DOCK6: variants seen among roughly 807,000 people sequenced by gnomAD.
The protein encoded by DOCK6 is dedicator of cytokinesis 6.
In DOCK6, 167 loss-of-function variants were observed where a neutral mutation model predicts 230.3. The observed-to-expected ratio is 0.73, with a 90% CI of 0.64 to 0.82. The LOEUF (loss-of-function observed/expected upper bound fraction) is 0.82. Ranked by LOEUF, DOCK6 falls within the 40% of genes least tolerant of loss-of-function variation. DOCK6 has a pLI of 0.00. For synonymous variants in DOCK6, 1,148 were observed against 1,185.0 expected, an observed-to-expected ratio of 0.97 and a Z score of 0.64; for missense variants, 2,598 against 2,825.8, an observed-to-expected ratio of 0.92 and a Z score of 1.83.
Position 11,200,208 on chromosome 19 carries a change from G to T in DOCK6, c.6101+100C>A. The T allele has an allele frequency of 1.2e-4, 143 of 1,156,448 alleles. No individual in the cohort carries two copies. The highest frequency in any genetic ancestry group is 1.5e-4 in the Non-Finnish European group (125 of 842,054). The allele number at this position is 1,156,448 out of a possible 1,614,324, so 71.6% of individuals were successfully genotyped here. On this transcript the variant is annotated intron_variant, in intron 47 of 47. Coordinates refer to ENST00000294618, the MANE Select transcript of DOCK6 (RefSeq NM_020812.4). This position sits in a 1 kb window ranked among gnomAD's most constrained non-coding sequence, Gnocchi z 4.3. The stretch of plus-strand genomic sequence containing the variant: ...CAAAGTCCAAGCTACCAGCAAACAT[G>T]TTGCTGTGTATGTGTACAACAGCCC...
chr19:11,216,793 G>T, intron 30 of DOCK6, 121 bp downstream of exon 30: 1 of 999,502 alleles, frequency 1.0e-6, no homozygotes, highest in Non-Finnish European at 1.6e-6. Flanking sequence ...TTTCCTCTCA[G>T]TCCCACAGAG....
At chr19:11,260,355 G>A (rs1361169693) in intron 1 of DOCK6, among the ~76,000 whole-genome samples, 1 of 152,088 alleles carries the variant, frequency 6.6e-6, no homozygotes, top group Admixed American at 6.6e-5. Flanking sequence ...CGAGGCAGGA[G>A]GATCACTTGA....
At chr19:11,203,095 C>T (rs2079198220) in intron 41 of DOCK6, among the ~76,000 whole-genome samples, 1 of 152,142 alleles carries the variant, frequency 6.6e-6, no homozygotes, top group East Asian at 1.9e-4. Context: ...CCCATAAATG[C>T]TTGGATGGCT....
chr19:11,228,896 C>T (rs747252539), intron 23 of DOCK6, 44 bp downstream of exon 23: 81 of 1,591,932 alleles, frequency 5.1e-5, no homozygotes, highest in Non-Finnish European at 6.6e-5. Context: ...GAAGGGGCTC[C>T]ACTGGGGGTC....
At chr19:11,255,407 C>T (rs989783016) in intron 1 of DOCK6, among the ~76,000 whole-genome samples, 6 of 151,198 alleles carry the variant, frequency 4.0e-5, no homozygotes, top group African/African-American at 9.7e-5. Context: ...CAGGCTCAAG[C>T]GATCCTCCTC....
At chr19:11,253,064 G>T in intron 2 of DOCK6, 106 bp from the exon 3 acceptor site, 1 of 1,159,864 alleles carries the variant, frequency 8.6e-7, no homozygotes, top group Non-Finnish European at 1.2e-6. Flanking sequence ...TAGGAGGGCG[G>T]TGGGAGCCAT....
chr19:11,213,541 T>C (rs1324934966), intron 34 of DOCK6, among the ~76,000 whole-genome samples: 3 of 152,088 alleles, frequency 2.0e-5, no homozygotes, highest in Non-Finnish European at 4.4e-5. Flanking sequence ...TTCCTTCCAC[T>C]GTAAACTGTG....
At chr19:11,215,980 A>C in intron 30 of DOCK6, 53 bp from the exon 31 acceptor site, 1 of 1,606,248 alleles carries the variant, frequency 6.2e-7, no homozygotes, top group Non-Finnish European at 8.5e-7. Context: ...TTTCGGGGGG[A>C]CCTGGGCTGG....
intron 5 of DOCK6, 65 bp from the exon 6 acceptor site, chr19:11,251,151 G>A: frequency 1.4e-6 from 2 of 1,456,298 alleles, no homozygotes; most frequent in Non-Finnish European, 1.9e-6. Context: ...ACTCTGGTGA[G>A]AGTGTCCTCA....
intron 14 of DOCK6, chr19:11,238,763 G>T: frequency 5.9e-6 from 1 of 169,772 alleles, no homozygotes; most frequent in Non-Finnish European, 1.3e-5. Flanking sequence ...GCCAGAGTCC[G>T]AGTCCTGCCT....
Position 11,236,403 on chromosome 19 carries a change from C to G in DOCK6, c.2335G>C (p.Val779Leu). ...PEPLVAFSHH[V>L]LDKLVRLVIR... ...ACCAGACGCACGAGCTTGTCCAGCACGTGGTGGGAGAAGGCCACAAGGGGT... is the reference window on the plus strand; with the variant it reads ...ACCAGACGCACGAGCTTGTCCAGCAGGTGGTGGGAGAAGGCCACAAGGGGT... The change falls in exon 20 of 48, where the codon GTG becomes CTG. Residue 779 changes from valine (V) to leucine (L), a missense_variant. By Grantham distance (32) the Val-to-Leu change is conservative. Coordinates refer to ENST00000294618, the MANE Select transcript of DOCK6 (RefSeq NM_020812.4). The surrounding 1 kb of genome is among the most constrained non-coding windows in gnomAD (Gnocchi z 5.2). 6.3e-7 allele frequency: 1 copy of G among 1,587,560 alleles called. No homozygotes were observed. Among genetic ancestry groups the G allele is most frequent in the South Asian group, 1.2e-5 (1 of 86,754 alleles).
chr19:11,208,638 C>T (rs2079304945), intron 39 of DOCK6, 48 bp downstream of exon 39: 3 of 1,579,850 alleles, frequency 1.9e-6, no homozygotes, highest in Non-Finnish European at 1.7e-6. Context: ...CTGATGGCAC[C>T]TCCCTGGCCC....
In DOCK6 at chr19:11,238,081, G is replaced by A. The variant is rs77453472; in HGVS notation, c.1796C>T (p.Thr599Ile). ...GACCACCGGTGTGAAGGCCTCGCGG[G>A]TAAATTCACTGCAGCTGGACTTGCC... is the stretch of plus-strand genomic sequence containing the variant. ...IFGKSSCSEF[T>I]REAFTPVVYH... Residue 599 changes from threonine to isoleucine, a missense_variant, in exon 16 of 48, where the codon ACC (threonine) becomes ATC (isoleucine). Coordinates refer to ENST00000294618, the MANE Select transcript of DOCK6 (RefSeq NM_020812.4). The A allele has an allele frequency of 9.9e-6, 16 of 1,613,846 alleles. No individual in the cohort carries two copies. In the East Asian group the frequency reaches 3.6e-4, roughly 36 times the overall value.
At chr19:11,239,542 A>C in intron 14 of DOCK6, 1 of 1,446,158 alleles carries the variant, frequency 6.9e-7, no homozygotes, top group East Asian at 2.3e-5. Flanking sequence ...GCGGGGCACC[A>C]GGTCGGCCAG....
chr19:11,231,227 G>A (rs888555421), intron 22 of DOCK6, among the ~76,000 whole-genome samples: 2 of 152,160 alleles, frequency 1.3e-5, no homozygotes, highest in Non-Finnish European at 2.9e-5. Flanking sequence ...CTCTCTGTGC[G>A]TACAGTCCTC....
chr19:11,241,497 A>C, intron 14 of DOCK6: 1 of 1,553,646 alleles, frequency 6.4e-7, no homozygotes, highest in Non-Finnish European at 8.7e-7. Flanking sequence ...GGCCACGTGC[A>C]GCGGCAGAGG....
chr19:11,261,187 C>T (rs944359785), intron 1 of DOCK6, among the ~76,000 whole-genome samples: 9 of 151,844 alleles, frequency 5.9e-5, no homozygotes, highest in Admixed American at 1.3e-4. Context: ...CTCCAGCTCT[C>T]TGTTCCTGCC....
intron 5 of DOCK6, chr19:11,251,413 T>A (rs2080115871): frequency 4.2e-6 from 1 of 238,428 alleles, no homozygotes; most frequent in Non-Finnish European, 8.3e-6. Context: ...AATGAAAGCC[T>A]TCCCTGGGAC....
Position 11,249,847 on chromosome 19 carries a change from G to A in DOCK6, c.720+1027C>T, listed in dbSNP as rs1162494870. On this transcript the variant is annotated intron_variant, in intron 6 of 47. Transcript: ENST00000294618. ...CGGGAGGCGGAGCTTGCAGTGAGCC[G>A]AGATAGCGCCACTGCAGTCCAGCCT... 2.4e-5 allele frequency among the ~76,000 whole-genome samples: 3 copies of A among 126,426 alleles called. No individual in the cohort carries two copies. The East Asian group carries it at 7.5e-4, about 32-fold the overall frequency. The allele number at this position is 126,426 out of a possible 152,430, so 82.9% of individuals were successfully genotyped here. A position where few individuals can be genotyped will look rare whatever the true frequency, so the allele number is the denominator to read the frequency against.
Sources: gnomAD v4.1 joint callset for allele counts (sites outside exome capture counted in the v4.1 genomes callset) on GRCh38, gnomAD v4.1.1 for gene constraint, Gnocchi (gnomAD v3.1) non-coding constraint, MANE v1.5 for transcripts, NCBI Gene and HGNC (gene_info 2026-07-23, HGNC 2026-07-21) for gene names.